The following ADGRL4 variants were observed in gnomAD, a reference collection of about 807,000 sequenced individuals.
ADGRL4 encodes EGF, latrophilin and seven transmembrane domain containing 1.
ADGRL4 carries 90 observed loss-of-function variants against 74.8 expected under a neutral mutation model. The observed-to-expected ratio is 1.20, with a 90% confidence interval of 1.02 to 1.43. The LOEUF (loss-of-function observed/expected upper bound fraction) is 1.43. Ranked by LOEUF, ADGRL4 falls within the 40% of genes most tolerant of loss-of-function variation. The pLI is 0.00. For synonymous variants in ADGRL4, 311 were observed against 279.2 expected (o/e 1.11, Z -1.14); for missense variants, 881 against 814.3 (o/e 1.08, Z -1.00).
intron 4 of ADGRL4, 86 bp downstream of exon 4, chr1:78,939,102 A>T (rs1649421093): frequency 1.4e-6 from 2 of 1,405,010 alleles, no homozygotes; most frequent in South Asian, 1.5e-5. Context: ...ACTACTGTTT[A>T]CTCTTCTTGA....
chr1:78,998,254 T>C (rs1355665960), intron 2 of ADGRL4, among the ~76,000 whole-genome samples: 1 of 113,742 alleles, frequency 8.8e-6, no homozygotes, highest in Non-Finnish European at 1.9e-5. Flanking sequence ...ATTTCATTGC[T>C]TTTTTTTTTT....
chr1:78,973,984 T>C (rs1197713034), intron 2 of ADGRL4, among the ~76,000 whole-genome samples: 1 of 152,146 alleles, frequency 6.6e-6, no homozygotes, highest in African/African-American at 2.4e-5. Context: ...GATGAAAATA[T>C]AGCTTCTTTC....
intron 10 of ADGRL4, 62 bp from the exon 11 acceptor site, chr1:78,918,112 A>G: frequency 7.4e-7 from 1 of 1,346,356 alleles, no homozygotes; most frequent in East Asian, 2.3e-5. Context: ...ATCATAACAT[A>G]CAATCTCTAC....
At chr1:78,892,184 C>T (rs1403918629) in intron 13 of ADGRL4, among the ~76,000 whole-genome samples, 2 of 152,050 alleles carry the variant, frequency 1.3e-5, no homozygotes, top group Non-Finnish European at 2.9e-5. Flanking sequence ...AAGAAACGAA[C>T]GTGTAGGATA....
chr1:78,900,191 C>G (rs1161160014), intron 12 of ADGRL4, among the ~76,000 whole-genome samples: 1 of 152,052 alleles, frequency 6.6e-6, no homozygotes, highest in African/African-American at 2.4e-5. Context: ...CGTCTCACAG[C>G]CAGCAAGGAA....
In ADGRL4 at chr1:78,927,702, C is replaced by T. The variant is rs76057786; in HGVS notation, c.878-611G>A. 2.2e-4 allele frequency among the ~76,000 whole-genome samples: 34 copies of T among 152,078 alleles called. No homozygotes were observed. The East Asian group carries it at 2.5e-3, about 11-fold the overall frequency. Reference sequence around the variant, plus strand: ...AGTGCACCAGCATATAACCAAATAGCGCAAAATCATAAATACAAATATTAA... The same window carrying T: ...AGTGCACCAGCATATAACCAAATAGTGCAAAATCATAAATACAAATATTAA... On this transcript the variant is annotated intron_variant, in intron 7 of 14. Coordinates refer to ENST00000370742, the MANE Select transcript of ADGRL4 (RefSeq NM_022159.4).
In ADGRL4 at chr1:78,927,036, T is replaced by C. The variant is rs1264869881; in HGVS notation, c.933A>G (p.Ser311=). 6.2e-7 allele frequency: 1 copy of C among 1,609,510 alleles called. No homozygotes were observed. Among genetic ancestry groups the C allele is most frequent in the Non-Finnish European group, 8.5e-7 (1 of 1,176,766 alleles). ...YYKSIGPLLS[S]SDNFLLKPQN... ...GAGGTTTCAATAAGAAGTTGTCAGA[T>C]GATGAAAGCAAAGGACCAATACTCT... The change falls in exon 8 of 15, where the codon TCA becomes TCG. Residue 311 remains serine (S), a synonymous_variant. Transcript: ENST00000370742.
At chr1:78,903,370 T>C (rs1327934630) in intron 12 of ADGRL4, among the ~76,000 whole-genome samples, 4 of 152,160 alleles carry the variant, frequency 2.6e-5, no homozygotes, top group Non-Finnish European at 5.9e-5. Flanking sequence ...AATGACAAAC[T>C]GACATTTTTC....
At chr1:78,925,747 TTAAA>T (rs1557499779) in intron 8 of ADGRL4, among the ~76,000 whole-genome samples, 1 of 152,036 alleles carries the variant, frequency 6.6e-6, no homozygotes, top group Non-Finnish European at 1.5e-5. Context: ...GAGTTTTTGT[TTAAA>T]TACGCGTTTT....
At chr1:78,920,101 A>G (rs1473353276) in intron 10 of ADGRL4, 82 bp downstream of exon 10, 2 of 1,058,610 alleles carry the variant, frequency 1.9e-6, no homozygotes, top group Non-Finnish European at 2.7e-6. Flanking sequence ...ACCCTAAATT[A>G]CAAATAATGT....
chr1:78,901,390 A>G (rs371876951), intron 12 of ADGRL4, among the ~76,000 whole-genome samples: 3 of 152,178 alleles, frequency 2.0e-5, no homozygotes, highest in Non-Finnish European at 1.5e-5. Flanking sequence ...TAGATGTTCC[A>G]ACTATTGTGG....
chr1:78,929,614 C>A (rs899469677), intron 7 of ADGRL4, among the ~76,000 whole-genome samples: 1 of 151,584 alleles, frequency 6.6e-6, no homozygotes, highest in Non-Finnish European at 1.5e-5. Context: ...GTTTTATTAA[C>A]TAATTTTTTC....
intron 1 of ADGRL4, 76 bp from the exon 2 acceptor site, chr1:79,005,295 T>C: frequency 8.8e-7 from 1 of 1,139,896 alleles, no homozygotes; most frequent in Non-Finnish European, 1.2e-6. Flanking sequence ...TAGAGTATAA[T>C]AAACATAAAT....
intron 2 of ADGRL4, among the ~76,000 whole-genome samples, chr1:78,997,564 G>A (rs145097274): frequency 6.6e-6 from 1 of 152,162 alleles, no homozygotes; most frequent in Non-Finnish European, 1.5e-5. Context: ...GTACATAGAA[G>A]CCTCTTCTAA....
chr1:78,983,726 A>G (rs1333403720), intron 2 of ADGRL4, among the ~76,000 whole-genome samples: 1 of 151,844 alleles, frequency 6.6e-6, no homozygotes. Context: ...GGGGAATACA[A>G]CTTTAGGCAA....
At chr1:78,947,256 T>C (rs942125748) in intron 2 of ADGRL4, among the ~76,000 whole-genome samples, 1 of 152,136 alleles carries the variant, frequency 6.6e-6, no homozygotes, top group Non-Finnish European at 1.5e-5. Context: ...ATAGGCCCTT[T>C]GGATATGTTA....
At position 78,891,677 on chromosome 1, in the gene ADGRL4, T is replaced by C. The variant is rs779146242; in HGVS notation, c.1857A>G (p.Gly619=). The change falls in exon 14 of 15, where the codon GGA becomes GGG. Residue 619 remains glycine (G), a synonymous_variant. Coordinates refer to ENST00000370742, the MANE Select transcript of ADGRL4 (RefSeq NM_022159.4). ...CGAGAAGGAACAGAAGAGCGAGGGC[T>C]CCTCTTGCACAAGACCTATCACATA... is the stretch of plus-strand genomic sequence containing the variant. The part of the protein sequence containing the change: ...CFENIRSCAR[G]ALALLFLLGT... The C allele has an allele frequency of 6.2e-6, 10 of 1,611,578 alleles. No homozygotes were observed. Among genetic ancestry groups the C allele is most frequent in the African/African-American group, 1.3e-5 (1 of 74,766 alleles).
intron 2 of ADGRL4, among the ~76,000 whole-genome samples, chr1:78,982,484 C>T (rs914512488): frequency 2.6e-5 from 4 of 151,866 alleles, no homozygotes; most frequent in African/African-American, 9.7e-5. Flanking sequence ...AATTTGGTAG[C>T]ACAACCATGT....
At position 78,893,232 on chromosome 1, in the gene ADGRL4, T is replaced by C. The variant is rs1326438291; in HGVS notation, c.1750-43A>G. ...TTCAAAGAAGAGATAGTTTTCATCT[T>C]AAATTGGATACATATAAAGAAAATA... is the stretch of plus-strand genomic sequence containing the variant. On this transcript the variant is annotated intron_variant, in intron 12 of 14. Transcript: ENST00000370742. 3.4e-6 allele frequency: 4 copies of C among 1,176,006 alleles called. No homozygotes were observed. In the African/African-American group the frequency reaches 6.2e-5, roughly 18 times the overall value. The allele number at this position is 1,176,006 out of a possible 1,614,324, so 72.8% of individuals were successfully genotyped here. A position where few individuals can be genotyped will look rare whatever the true frequency, so the allele number is the denominator to read the frequency against.
Sources: allele counts gnomAD v4.1 joint callset (sites outside exome capture counted in the v4.1 genomes callset), GRCh38; gene constraint gnomAD v4.1.1; transcripts MANE v1.5; gene names NCBI Gene and HGNC (gene_info 2026-07-23, HGNC 2026-07-21).